PTPN2: variants seen among roughly 807,000 people sequenced by gnomAD.
PTPN2 encodes protein tyrosine phosphatase non-receptor type 2.
In PTPN2, 19 loss-of-function variants were observed where a neutral mutation model predicts 57.3. The ratio of observed to expected loss-of-function variants is 0.33; its 90% CI spans 0.23 to 0.49. The LOEUF (loss-of-function observed/expected upper bound fraction) is 0.49. Ranked by LOEUF, PTPN2 falls within the 20% of genes least tolerant of loss-of-function variation. The pLI is 0.99. For missense variants in PTPN2, 358 were observed against 501.1 expected (o/e 0.71, Z 2.73); for synonymous variants, 153 against 164.9 (o/e 0.93, Z 0.55).
intron 3 of PTPN2, among the ~76,000 whole-genome samples, chr18:12,831,545 C>A (rs1043330175): frequency 2.0e-5 from 3 of 152,114 alleles, no homozygotes; most frequent in African/African-American, 4.8e-5. Flanking sequence ...AGAAGGTAGA[C>A]CAAGGAAATT....
intron 1 of PTPN2, among the ~76,000 whole-genome samples, chr18:12,869,692 T>C (rs1368248771): frequency 6.6e-6 from 1 of 152,168 alleles, no homozygotes; most frequent in Non-Finnish European, 1.5e-5. Flanking sequence ...AAAAGAATAA[T>C]CTTCTGTTAA....
intron 1 of PTPN2, among the ~76,000 whole-genome samples, chr18:12,864,657 C>CA (rs1341956963): frequency 6.6e-6 from 1 of 152,252 alleles, no homozygotes; most frequent in African/African-American, 2.4e-5. Flanking sequence ...CTCAGCCTCC[C>CA]AAAGTGCTGG....
At chr18:12,837,482 T>C (rs938687677) in intron 2 of PTPN2, among the ~76,000 whole-genome samples, 2 of 152,218 alleles carry the variant, frequency 1.3e-5, no homozygotes, top group Non-Finnish European at 2.9e-5. Flanking sequence ...AGTTTAGAGA[T>C]ATTTCTAGTT....
intron 2 of PTPN2, among the ~76,000 whole-genome samples, chr18:12,838,796 T>C (rs1301539124): frequency 6.6e-6 from 1 of 152,184 alleles, no homozygotes; most frequent in African/African-American, 2.4e-5. Flanking sequence ...GAGCCTGTAT[T>C]TTCTTCTCAA....
At chr18:12,875,165 C>A (rs1237028061) in intron 1 of PTPN2, among the ~76,000 whole-genome samples, 1 of 152,180 alleles carries the variant, frequency 6.6e-6, no homozygotes, top group Non-Finnish European at 1.5e-5. Flanking sequence ...GGGACACAAA[C>A]ACTGCGGAAG....
intron 3 of PTPN2, among the ~76,000 whole-genome samples, chr18:12,835,425 G>A (rs1382693385): frequency 8.7e-6 from 1 of 114,434 alleles, no homozygotes; most frequent in Non-Finnish European, 1.6e-5. Flanking sequence ...GCTCAGGCTG[G>A]AGTGCAGTGG....
intron 2 of PTPN2, among the ~76,000 whole-genome samples, chr18:12,849,733 C>T (rs2043330567): frequency 6.6e-6 from 1 of 152,052 alleles, no homozygotes; most frequent in Non-Finnish European, 1.5e-5. Context: ...TATTATGAAA[C>T]ATACCGGTAA....
At chr18:12,814,416 T>C (rs1478830152) in intron 6 of PTPN2, 61 bp from the exon 7 acceptor site, 4 of 1,391,272 alleles carry the variant, frequency 2.9e-6, no homozygotes, top group Non-Finnish European at 3.9e-6. Flanking sequence ...ACAGAATCAA[T>C]GCAAGATCAT....
At chr18:12,816,639 G>A (rs528034088) in intron 6 of PTPN2, among the ~76,000 whole-genome samples, 4 of 152,250 alleles carry the variant, frequency 2.6e-5, no homozygotes, top group East Asian at 3.9e-4. Flanking sequence ...AGAATTAGCC[G>A]TTGGGGGCAC....
At chr18:12,825,969 T>C (rs890016101) in intron 4 of PTPN2, 25 bp from the exon 5 acceptor site, 1 of 1,465,208 alleles carries the variant, frequency 6.8e-7, no homozygotes, top group Non-Finnish European at 9.3e-7. Context: ...ATGTATATGA[T>C]TTTTTTTTAG....
chr18:12,831,883 C>T (rs112535424), intron 3 of PTPN2, among the ~76,000 whole-genome samples: 50 of 152,194 alleles, frequency 3.3e-4, no homozygotes, highest in African/African-American at 1.2e-3. Context: ...TAGCATAGGG[C>T]AAAAGGAAGA....
At chr18:12,874,729 A>AG (rs1381344593) in intron 1 of PTPN2, among the ~76,000 whole-genome samples, 2 of 150,424 alleles carry the variant, frequency 1.3e-5, no homozygotes, top group South Asian at 2.1e-4. Context: ...CCGGGAGGTG[A>AG]GGGGCGCCTC....
chr18:12,884,041 G>T, intron 1 of PTPN2, 32 bp downstream of exon 1: 2 of 1,543,880 alleles, frequency 1.3e-6, no homozygotes, highest in Non-Finnish European at 1.7e-6. Context: ...CTCGGAGGAG[G>T]TCGGCGACTG....
intron 2 of PTPN2, among the ~76,000 whole-genome samples, chr18:12,843,467 C>G (rs909429538): frequency 1.3e-5 from 2 of 152,178 alleles, no homozygotes; most frequent in African/African-American, 4.8e-5. Context: ...ATCCCGAGTA[C>G]AGCTGACTGT....
chr18:12,819,273 T>C, intron 5 of PTPN2: 1 of 1,441,694 alleles, frequency 6.9e-7, no homozygotes, highest in Non-Finnish European at 9.3e-7. Context: ...ATCCACAAGT[T>C]CTCAATATAC....
intron 1 of PTPN2, among the ~76,000 whole-genome samples, chr18:12,875,598 G>A (rs933914569): frequency 5.3e-5 from 8 of 152,160 alleles, no homozygotes; most frequent in Admixed American, 3.3e-4. Context: ...CCTTAATGGG[G>A]CATTAAGTTA....
intron 2 of PTPN2, among the ~76,000 whole-genome samples, chr18:12,855,365 G>A (rs76940888): frequency 0.011 from 1,697 of 152,104 alleles, 23 homozygotes; most frequent in African/African-American, 0.039. Context: ...TTATGAGATA[G>A]AAAGAGGCTG....
At chr18:12,801,198 C>T (rs182570736) in intron 8 of PTPN2, among the ~76,000 whole-genome samples, 1 of 152,152 alleles carries the variant, frequency 6.6e-6, no homozygotes, top group Admixed American at 6.5e-5. Flanking sequence ...ATACTAAATA[C>T]CCTCAGGTAA....
rs1356751318 is a variant in PTPN2, at chr18:12,793,513, A to G, written c.*765T>C. 2.0e-6 allele frequency: 2 copies of G among 980,612 alleles called. No homozygotes were observed. Among genetic ancestry groups the G allele is most frequent in the Non-Finnish European group, 2.4e-6 (2 of 825,118 alleles). The allele number at this position is 980,612 out of a possible 1,614,324, so 60.7% of individuals were successfully genotyped here. Reference sequence around the variant, plus strand: ...ATCCCAGTAAGGAGAATTTTCCTTCAAAGATATTTTTAGGAAAAACTTTTG... The same window carrying G: ...ATCCCAGTAAGGAGAATTTTCCTTCGAAGATATTTTTAGGAAAAACTTTTG... On this transcript the variant is annotated 3_prime_UTR_variant, in exon 9 of 9. Coordinates refer to ENST00000309660, the MANE Select transcript of PTPN2 (RefSeq NM_002828.4).
Sources: allele counts gnomAD v4.1 joint callset (sites outside exome capture counted in the v4.1 genomes callset), GRCh38; gene constraint gnomAD v4.1.1; transcripts MANE v1.5; gene names NCBI Gene and HGNC (gene_info 2026-07-23, HGNC 2026-07-21).